JMJD1C: variants seen among roughly 807,000 people sequenced by gnomAD.
JMJD1C encodes jumonji domain-containing protein 1C.
JMJD1C carries 31 observed loss-of-function variants against 245.3 expected under a neutral mutation model. The observed-to-expected ratio is 0.13, with a 90% CI of 0.09 to 0.17. The LOEUF is 0.17. Ranked by LOEUF, JMJD1C falls within the 10% of genes least tolerant of loss-of-function variation. The pLI is 1.00. For missense variants in JMJD1C, 2,691 were observed against 3,000.2 expected, an observed-to-expected ratio of 0.90 and a Z score of 2.41; for synonymous variants, 1,057 against 1,017.4, an observed-to-expected ratio of 1.04 and a Z score of -0.74.
chr10:63,499,881 G>A lies in JMJD1C; in HGVS notation n.113+21857C>T, dbSNP rs77550388. ...TTGAATAAATCCTTTTGTTTTAGGT[G>A]AAGCTATGTACTTTAAAATGCTTTA... On this transcript the variant is annotated intron_variant and non_coding_transcript_variant, in intron 1 of 3. Transcript: ENST00000633035. Among the ~76,000 whole-genome samples the A allele has an allele frequency of 4.4e-4, 67 of 152,296 alleles. No homozygotes were observed. In the East Asian group the frequency reaches 0.012, roughly 28 times the overall value.
intron 2 of JMJD1C, among the ~76,000 whole-genome samples, chr10:63,310,575 G>A (rs890253460): frequency 1.3e-5 from 2 of 151,936 alleles, no homozygotes; most frequent in Admixed American, 6.6e-5. Flanking sequence ...ACACTACATG[G>A]GAAAAAATTT....
chr10:63,193,574 G>T, intron 14 of JMJD1C, 102 bp from the exon 15 acceptor site: 1 of 693,244 alleles, frequency 1.4e-6, no homozygotes, highest in South Asian at 2.7e-5. Context: ...GAATAACGGA[G>T]GTTTTCTTGT....
chr10:63,484,232 GGATGGATAGATAGATAGATAGATA>G (rs1318670530), intron 1 of JMJD1C, among the ~76,000 whole-genome samples: 45 of 93,986 alleles, frequency 4.8e-4, no homozygotes, highest in South Asian at 1.7e-3. Flanking sequence ...ATGGATGGAT[GGATGGATAGATAGATAGATAGATA>G]GATAGATAGA....
chr10:63,294,869 T>C (rs969701933), intron 2 of JMJD1C, among the ~76,000 whole-genome samples: 5 of 152,184 alleles, frequency 3.3e-5, no homozygotes, highest in African/African-American at 9.7e-5. Flanking sequence ...AGTTCTAAAA[T>C]TGAGGGTCAT....
intron 1 of JMJD1C, among the ~76,000 whole-genome samples, chr10:63,440,549 T>G (rs138252709): frequency 6.6e-6 from 1 of 152,222 alleles, no homozygotes; most frequent in South Asian, 2.1e-4. Context: ...AAGTTTCTAA[T>G]CAACAAAATT....
intron 3 of JMJD1C, chr10:63,222,493 T>C: frequency 9.3e-7 from 1 of 1,073,396 alleles, no homozygotes; most frequent in Non-Finnish European, 1.4e-6. Context: ...TAGGAGAATG[T>C]GGACTTGATT....
At chr10:63,451,175 A>G (rs10740126) in intron 1 of JMJD1C, among the ~76,000 whole-genome samples, 63,983 of 152,128 alleles carry the variant, frequency 0.42, 14,194 homozygotes, top group South Asian at 0.53. Context: ...TGGATCAGAA[A>G]ATCCGATATT....
At position 63,200,338 on chromosome 10, in the gene JMJD1C, C is replaced by T. The variant is rs762606052; in HGVS notation, c.5276+138G>A. ...AATTTAGCACGAAAACATTTAATAACTCTTTTATAATGTTTCCAAAACATG... is the reference window on the plus strand; with the variant it reads ...AATTTAGCACGAAAACATTTAATAATTCTTTTATAATGTTTCCAAAACATG... On this transcript the variant is annotated intron_variant, in intron 11 of 25. Transcript: ENST00000399262. 2.0e-5 allele frequency: 13 copies of T among 650,744 alleles called. No homozygotes were observed. In the Admixed American group the frequency reaches 2.9e-4, roughly 15 times the overall value. 40.3% of individuals were successfully genotyped at this position (650,744 alleles called of 1,614,324 possible). A position where few individuals can be genotyped will look rare whatever the true frequency, so the allele number is the denominator to read the frequency against.
At chr10:63,314,792 C>A (rs963600563) in intron 2 of JMJD1C, among the ~76,000 whole-genome samples, 9 of 152,002 alleles carry the variant, frequency 5.9e-5, no homozygotes, top group Non-Finnish European at 4.4e-5. Flanking sequence ...GGATTATAGG[C>A]ATGCACCACT....
intron 1 of JMJD1C, among the ~76,000 whole-genome samples, chr10:63,439,064 T>C (rs575369801): frequency 6.6e-6 from 1 of 152,312 alleles, no homozygotes; most frequent in South Asian, 2.1e-4. Flanking sequence ...AATGGATAAA[T>C]CTAGGATTGC....
chr10:63,514,622 T>C (rs1465155355), intron 1 of JMJD1C, among the ~76,000 whole-genome samples: 1 of 151,668 alleles, frequency 6.6e-6, no homozygotes, highest in Non-Finnish European at 1.5e-5. Context: ...CACTGGAGAC[T>C]ACTAGAGGAG....
At chr10:63,327,116 G>T (rs950791256) in intron 2 of JMJD1C, among the ~76,000 whole-genome samples, 2 of 152,112 alleles carry the variant, frequency 1.3e-5, no homozygotes, top group Non-Finnish European at 2.9e-5. Context: ...GAGCCCAGGA[G>T]GCTGATGCTA....
At chr10:63,212,744 T>A (rs1447590818) in intron 8 of JMJD1C, among the ~76,000 whole-genome samples, 2 of 152,124 alleles carry the variant, frequency 1.3e-5, no homozygotes, top group South Asian at 4.1e-4. Context: ...AATTTGATAA[T>A]ATATATCAAA....
chr10:63,326,089 G>A (rs946991489), intron 2 of JMJD1C, among the ~76,000 whole-genome samples: 2 of 152,188 alleles, frequency 1.3e-5, no homozygotes, highest in African/African-American at 4.8e-5. Context: ...TATCCACATA[G>A]AGGAACAATG....
chr10:63,223,418 G>T (rs1442468100), intron 3 of JMJD1C, among the ~76,000 whole-genome samples: 1 of 151,910 alleles, frequency 6.6e-6, no homozygotes, highest in Non-Finnish European at 1.5e-5. Flanking sequence ...AGTAGAGACG[G>T]GGTTTCACCA....
At chr10:63,435,017 TCA>T (rs1392673501) in intron 1 of JMJD1C, among the ~76,000 whole-genome samples, 2 of 152,238 alleles carry the variant, frequency 1.3e-5, no homozygotes, top group Non-Finnish European at 2.9e-5. Context: ...AATTAAAATC[TCA>T]CATTGTCTGC....
intron 8 of JMJD1C, among the ~76,000 whole-genome samples, chr10:63,209,642 A>G (rs1018376037): frequency 6.6e-6 from 1 of 152,186 alleles, no homozygotes. Context: ...AATTATAACC[A>G]AATTCATTTG....
chr10:63,171,692 C>A (rs1470894403), intron 24 of JMJD1C, among the ~76,000 whole-genome samples: 1 of 151,428 alleles, frequency 6.6e-6, no homozygotes, highest in Non-Finnish European at 1.5e-5. Context: ...TCCCCAGACC[C>A]ATTGAAATCA....
intron 10 of JMJD1C, chr10:63,203,850 C>A (rs1165663641): frequency 2.0e-6 from 2 of 981,446 alleles, no homozygotes; most frequent in African/African-American, 3.5e-5. Flanking sequence ...TAGGTGTAAG[C>A]CTAACTCATT....
Sources: allele counts gnomAD v4.1 joint callset (sites outside exome capture counted in the v4.1 genomes callset), GRCh38; gene constraint gnomAD v4.1.1; transcripts MANE v1.5; gene names NCBI Gene and HGNC (gene_info 2026-07-23, HGNC 2026-07-21).